The following FLVCR2 variants were observed in gnomAD, a reference collection of about 807,000 sequenced individuals.
FLVCR2 encodes FLVCR choline and putative heme transporter 2.
A neutral mutation model predicts 48.9 loss-of-function variants in FLVCR2; 38 were observed. The observed-to-expected ratio is 0.78, with a 90% CI of 0.60 to 1.02. The LOEUF is 1.02. FLVCR2 is among the 50% of genes least tolerant of loss of function. The pLI is 0.00. For synonymous variants in FLVCR2, 255 were observed against 257.0 expected (o/e 0.99, Z 0.07); for missense variants, 664 against 663.3 (o/e 1.00, Z -0.01).
Position 75,578,890 on chromosome 14 carries a change from C to A in FLVCR2, c.-83C>A. 1 of 1,319,254 alleles carries A rather than the reference C, an allele frequency of 7.6e-7. No homozygotes were observed. Among genetic ancestry groups the A allele is most frequent in the Non-Finnish European group, 1.1e-6 (1 of 916,866 alleles). The allele number at this position is 1,319,254 out of a possible 1,614,324, so 81.7% of individuals were successfully genotyped here. A position where few individuals can be genotyped will look rare whatever the true frequency, so the allele number is the denominator to read the frequency against. ...GGAATAGGCAAGTGTCCTTTCAACTCTAAGAGACCAGCAGAGGCCACTGTC... is the reference window on the plus strand; with the variant it reads ...GGAATAGGCAAGTGTCCTTTCAACTATAAGAGACCAGCAGAGGCCACTGTC... On this transcript the variant is annotated 5_prime_UTR_variant, in exon 1 of 10. Coordinates refer to ENST00000238667, the MANE Select transcript of FLVCR2 (RefSeq NM_017791.3).
At chr14:75,579,892 G>A (rs1328416863) in intron 1 of FLVCR2, among the ~76,000 whole-genome samples, 1 of 152,138 alleles carries the variant, frequency 6.6e-6, no homozygotes, top group Admixed American at 6.5e-5. Flanking sequence ...CTATACCTTC[G>A]CTGTGTCGTT....
At chr14:75,610,300 G>T (rs1187867616) in intron 1 of FLVCR2, among the ~76,000 whole-genome samples, 1 of 152,170 alleles carries the variant, frequency 6.6e-6, no homozygotes, top group Non-Finnish European at 1.5e-5. Flanking sequence ...CTGGCCCTTT[G>T]TGGAGTTCAC....
intron 1 of FLVCR2, among the ~76,000 whole-genome samples, chr14:75,593,233 T>C (rs1888928783): frequency 6.6e-6 from 1 of 152,240 alleles, no homozygotes; most frequent in Non-Finnish European, 1.5e-5. Flanking sequence ...GGTATCTTTA[T>C]GGCACAACCC....
chr14:75,610,516 A>G (rs765209036), intron 1 of FLVCR2, among the ~76,000 whole-genome samples: 1 of 152,108 alleles, frequency 6.6e-6, no homozygotes, highest in Non-Finnish European at 1.5e-5. Context: ...AAACTTAGCA[A>G]CTTCTCTGTT....
intron 1 of FLVCR2, among the ~76,000 whole-genome samples, chr14:75,617,125 G>A (rs1252229582): frequency 6.6e-6 from 1 of 152,184 alleles, no homozygotes; most frequent in Non-Finnish European, 1.5e-5. Context: ...CTCAGAGCTG[G>A]CATAGCATGT....
intron 1 of FLVCR2, among the ~76,000 whole-genome samples, chr14:75,617,633 G>C (rs892897391): frequency 1.3e-5 from 2 of 152,144 alleles, no homozygotes; most frequent in African/African-American, 2.4e-5. Flanking sequence ...AAATTGGGAC[G>C]ATGTTAGACC....
At position 75,634,938 on chromosome 14, in the gene FLVCR2, GCCTGACGA is replaced by G; in HGVS notation, c.1050_1057del (p.Leu351ArgfsTer17). The G allele has an allele frequency of 6.2e-7, 1 of 1,614,004 alleles. No homozygotes were observed. Among genetic ancestry groups the G allele is most frequent in the Non-Finnish European group, 8.5e-7 (1 of 1,179,884 alleles). Reference sequence around the variant, plus strand: ...GAAGAAGTGAATGCTGGAAGAATTGGCCTGACGATCGTCATTGCAGGAATGCTTGGGGC... The same window carrying G: ...GAAGAAGTGAATGCTGGAAGAATTGGTCGTCATTGCAGGAATGCTTGGGGC... On this transcript the variant is annotated frameshift_variant, in exon 5 of 10. Transcript: ENST00000238667. LOFTEE classifies it high-confidence loss of function.
chr14:75,595,706 T>C (rs1168555718), intron 1 of FLVCR2: 1 of 602,192 alleles, frequency 1.7e-6, no homozygotes, highest in Non-Finnish European at 3.0e-6. Context: ...TGTCTACTTT[T>C]TGTTTGTTTG....
In FLVCR2 at chr14:75,592,821, T is replaced by A. The variant is rs534766816; in HGVS notation, c.669+13180T>A. Among the ~76,000 whole-genome samples the A allele has an allele frequency of 5.9e-5, 9 of 152,162 alleles. No individual in the cohort carries two copies. The East Asian group carries it at 1.7e-3, about 29-fold the overall frequency. ...CTGGCCAACATGGTGAAACCCCACCTTTAAAAAGAAAAAAAAAAAGAAATT... is the reference window on the plus strand; with the variant it reads ...CTGGCCAACATGGTGAAACCCCACCATTAAAAAGAAAAAAAAAAAGAAATT... On this transcript the variant is annotated intron_variant, in intron 1 of 9. Transcript: ENST00000238667.
chr14:75,624,291 A>G (rs1889838309), intron 2 of FLVCR2, among the ~76,000 whole-genome samples: 1 of 151,230 alleles, frequency 6.6e-6, no homozygotes, highest in Non-Finnish European at 1.5e-5. Flanking sequence ...TGAGCCCAGG[A>G]GGTGGAGGTT....
chr14:75,600,502 TC>T (rs2140017073), intron 1 of FLVCR2, among the ~76,000 whole-genome samples: 1 of 152,324 alleles, frequency 6.6e-6, no homozygotes, highest in South Asian at 2.1e-4. Flanking sequence ...TTGTATAAGA[TC>T]CAAGAAACCT....
chr14:75,598,579 G>A (rs1889082087), intron 1 of FLVCR2, among the ~76,000 whole-genome samples: 1 of 152,202 alleles, frequency 6.6e-6, no homozygotes, highest in African/African-American at 2.4e-5. Flanking sequence ...CTGGGCTTAA[G>A]CGATCCTTGC....
chr14:75,580,828 C>T (rs1204770791), intron 1 of FLVCR2, among the ~76,000 whole-genome samples: 1 of 152,122 alleles, frequency 6.6e-6, no homozygotes, highest in Non-Finnish European at 1.5e-5. Flanking sequence ...GCTATTTTCA[C>T]TTTTTTTGTG....
intron 2 of FLVCR2, 112 bp from the exon 3 acceptor site, chr14:75,624,500 T>G: frequency 8.2e-7 from 1 of 1,218,360 alleles, no homozygotes; most frequent in Non-Finnish European, 1.2e-6. Flanking sequence ...ACTATTTCCT[T>G]TGGGAGTCTT....
chr14:75,620,331 C>A (rs1566791736), intron 1 of FLVCR2, among the ~76,000 whole-genome samples: 1 of 152,216 alleles, frequency 6.6e-6, no homozygotes, highest in East Asian at 1.9e-4. Context: ...TTTCTCCAGG[C>A]TCTTAGCCTG....
At chr14:75,625,926 A>G (rs118052307) in intron 3 of FLVCR2, among the ~76,000 whole-genome samples, 2,831 of 152,122 alleles carry the variant, frequency 0.019, 60 homozygotes, top group South Asian at 0.07. Flanking sequence ...AAGGTCACAC[A>G]ACTTTCAAGT....
Position 75,646,456 on chromosome 14 carries a change from CAG to C in FLVCR2, c.1568_1569del (p.Glu523GlyfsTer9). On this transcript the variant is annotated frameshift_variant, in exon 10 of 10. Coordinates refer to ENST00000238667, the MANE Select transcript of FLVCR2 (RefSeq NM_017791.3). LOFTEE classifies it high-confidence loss of function. ...ACCAGCAAAGTGCCCACTGCTGTGT[CAG>C]AGGATCATCTCTGAGAGGAAGGTGG... 6.2e-7 allele frequency: 1 copy of C among 1,613,238 alleles called. No homozygotes were observed. The highest frequency in any genetic ancestry group is 1.1e-5 in the South Asian group (1 of 91,046).
At chr14:75,605,786 C>G (rs997871518) in intron 1 of FLVCR2, 1 of 654,218 alleles carries the variant, frequency 1.5e-6, no homozygotes, top group Non-Finnish European at 2.7e-6. Flanking sequence ...TTTGATTGCA[C>G]AGCCCTGCCA....
intron 1 of FLVCR2, among the ~76,000 whole-genome samples, chr14:75,620,905 C>A (rs536138469): frequency 2.0e-5 from 3 of 152,306 alleles, no homozygotes; most frequent in African/African-American, 7.2e-5. Flanking sequence ...GTAGCTCTTT[C>A]AAGTACAACA....
Sources: gnomAD v4.1 joint callset for allele counts (sites outside exome capture counted in the v4.1 genomes callset) on GRCh38, gnomAD v4.1.1 for gene constraint, MANE v1.5 for transcripts, NCBI Gene and HGNC (gene_info 2026-07-23, HGNC 2026-07-21) for gene names.